Variants in ACVRL1 observed in about 807,000 individuals in gnomAD.
ACVRL1 encodes activin A receptor like type 1, also known as activin receptor type-1-like.
Under a neutral mutation model 51.9 loss-of-function variants are expected in ACVRL1, and 20 were observed. The ratio of observed to expected loss-of-function variants is 0.39; its 90% CI spans 0.27 to 0.56. The LOEUF (loss-of-function observed/expected upper bound fraction) is 0.56. Among genes scored for constraint, ACVRL1 ranks in the 20% least tolerant of loss-of-function variants. The pLI is 0.67. For synonymous variants in ACVRL1, 288 were observed against 280.9 expected (o/e 1.03, Z -0.25); for missense variants, 451 against 670.3 (o/e 0.67, Z 3.61).
chr12:51,913,462 T>TG, intron 3 of ACVRL1, 97 bp from the exon 4 acceptor site: 1 of 828,012 alleles, frequency 1.2e-6, no homozygotes, highest in Non-Finnish European at 1.8e-6. Context: ...GGGGAGCGGG[T>TG]GGGCAGGACT....
upstream of ACVRL1, chr12:51,907,305 G>C (rs1260923744): frequency 3.9e-5 from 6 of 152,174 alleles, no homozygotes; most frequent in East Asian, 1.9e-4. The surrounding 1 kb of genome is among the most constrained non-coding windows in gnomAD (Gnocchi z 4.5). Context: ...CGGGAGCTGC[G>C]GGCGGCTGGG....
Position 51,915,710 on chromosome 12 carries a change from T to C in ACVRL1, c.1048+210T>C, listed in dbSNP as rs1485623652. 3.0e-5 allele frequency: 23 copies of C among 774,276 alleles called. No homozygotes were observed. In the East Asian group the frequency reaches 4.9e-4, roughly 17 times the overall value. 48.0% of individuals were successfully genotyped at this position (774,276 alleles called of 1,614,324 possible). On this transcript the variant is annotated intron_variant, in intron 7 of 9. Coordinates refer to ENST00000388922, the MANE Select transcript of ACVRL1 (RefSeq NM_000020.3). ...CACCATACCATCCTGGCTCCAGGAG[T>C]TGGGAGAAAGGAGGCAGGAGCCAGG...
At position 51,913,702 on chromosome 12, in the gene ACVRL1, C is replaced by T; in HGVS notation, c.457C>T (p.Leu153=). 16 of 1,611,830 alleles carry T rather than the reference C, an allele frequency of 9.9e-6. No individual in the cohort carries two copies. The highest frequency in any genetic ancestry group is 1.4e-5 in the Non-Finnish European group (16 of 1,179,998). ...ACGGAGGCAGGAGAAGCAGCGTGGCCTGCACAGCGAGCTGGGAGAGTCCAG... is the reference window on the plus strand; with the variant it reads ...ACGGAGGCAGGAGAAGCAGCGTGGCTTGCACAGCGAGCTGGGAGAGTCCAG... ...VRRRQEKQRG[L]HSELGESSLI... is the part of the protein sequence containing the mutation. Residue 153 remains leucine, a synonymous_variant, in exon 4 of 10, where the codon CTG becomes TTG. Transcript: ENST00000388922.
At chr12:51,914,982 A>C (rs1200601308) in intron 6 of ACVRL1, among the ~76,000 whole-genome samples, 2 of 152,122 alleles carry the variant, frequency 1.3e-5, no homozygotes, top group African/African-American at 4.8e-5. Flanking sequence ...AGGCTCAAGC[A>C]GTGCTCTTGC....
rs1364205780 is a variant in ACVRL1, at chr12:51,922,093, T to C, written c.*1200T>C. 6.6e-6 allele frequency: 1 copy of C among 152,204 alleles called. No homozygotes were observed. Among genetic ancestry groups the C allele is most frequent in the Non-Finnish European group, 1.5e-5 (1 of 68,042 alleles). 9.4% of individuals were successfully genotyped at this position (152,204 alleles called of 1,614,324 possible). A position where few individuals can be genotyped will look rare whatever the true frequency, so the allele number is the denominator to read the frequency against. ...GGTCCTGATGTCCTTTGAGGCTTCTTTAGCTCTAGTTCTCTGACACTTCAG... is the reference window on the plus strand; with the variant it reads ...GGTCCTGATGTCCTTTGAGGCTTCTCTAGCTCTAGTTCTCTGACACTTCAG... On this transcript the variant is annotated 3_prime_UTR_variant, in exon 10 of 10. Transcript: ENST00000388922.
rs570480929 is a variant in ACVRL1 at position 51,917,367 on chromosome 12, G to A, written c.1246+1134G>A. 4.6e-5 allele frequency among the ~76,000 whole-genome samples: 7 copies of A among 152,328 alleles called. No individual in the cohort carries two copies. Among genetic ancestry groups the A allele is most frequent in the African/African-American group, 1.4e-4 (6 of 41,580 alleles). ...GGGGACTCTGATTTAGAGGGACTGC[G>A]ACAGGTAGAGAGACCTGCCCTGGGC... On this transcript the variant is annotated intron_variant, in intron 8 of 9. Transcript: ENST00000388922. This position sits in a 1 kb window ranked among gnomAD's most constrained non-coding sequence, Gnocchi z 4.2.
rs764616695 is a variant in ACVRL1, at chr12:51,913,129, T to C, written c.92T>C (p.Leu31Pro). ...GDPVKPSRGP[L>P]VTCTCESPHC... Reference sequence around the variant, plus strand: ...CCTGTGAAGCCGTCTCGGGGCCCGCTGGTGACCTGCACGTGTGAGAGCCCA... The same window carrying C: ...CCTGTGAAGCCGTCTCGGGGCCCGCCGGTGACCTGCACGTGTGAGAGCCCA... The change falls in exon 3 of 10, where the codon CTG becomes CCG. Residue 31 changes from leucine (L) to proline (P), a missense_variant. Physicochemically the swap from Leu to Pro is moderately conservative, Grantham distance 98 (BLOSUM62 -3). Coordinates refer to ENST00000388922, the MANE Select transcript of ACVRL1 (RefSeq NM_000020.3). The C allele has an allele frequency of 6.2e-7, 1 of 1,606,452 alleles. No individual in the cohort carries two copies. Among genetic ancestry groups the C allele is most frequent in the South Asian group, 1.1e-5 (1 of 90,092 alleles).
At chr12:51,914,841 T>C (rs935079417) in intron 6 of ACVRL1, among the ~76,000 whole-genome samples, 1 of 152,174 alleles carries the variant, frequency 6.6e-6, no homozygotes, top group African/African-American at 2.4e-5. Flanking sequence ...TCTCTTGAGC[T>C]CAAGTGATCC....
rs1312572306 is a variant in ACVRL1, at chr12:51,915,811, C to T, written c.1049-225C>T. 5 of 635,608 alleles carry T rather than the reference C, an allele frequency of 7.9e-6. No individual in the cohort carries two copies. The African/African-American group carries it at 9.2e-5, about 12-fold the overall frequency. The allele number at this position is 635,608 out of a possible 1,614,324, so 39.4% of individuals were successfully genotyped here. On this transcript the variant is annotated intron_variant, in intron 7 of 9. Coordinates refer to ENST00000388922, the MANE Select transcript of ACVRL1 (RefSeq NM_000020.3). ...GTGGGCTCATAATGCCTGCCTTGCC[C>T]ACTCACATCTCGCTGGGTTCTTGGG...
In ACVRL1 at chr12:51,913,081, T is replaced by A. The variant is rs549093185; in HGVS notation, c.62-18T>A. 6.9e-5 allele frequency: 111 copies of A among 1,598,034 alleles called. 1 individual carries two copies. The South Asian group carries it at 1.2e-3, about 17-fold the overall frequency. On this transcript the variant is annotated intron_variant, in intron 2 of 9. Coordinates refer to ENST00000388922, the MANE Select transcript of ACVRL1 (RefSeq NM_000020.3). ...GGAGCTGGGACCACAGTGGCTGAGC[T>A]TCCGGTGTGTCTTCCAGGAGACCCT...
At chr12:51,913,462 T>A in intron 3 of ACVRL1, 97 bp from the exon 4 acceptor site, 3 of 828,014 alleles carry the variant, frequency 3.6e-6, no homozygotes, top group Non-Finnish European at 5.4e-6. Context: ...GGGGAGCGGG[T>A]GGGCAGGACT....
At chr12:51,912,676 G>C (rs996446253) in intron 2 of ACVRL1, 141 bp downstream of exon 2, 1 of 760,694 alleles carries the variant, frequency 1.3e-6, no homozygotes, top group Non-Finnish European at 2.3e-6. Context: ...GGACAGTGAG[G>C]CTCCATTAGA....
rs2139094016 is a variant in ACVRL1, at chr12:51,922,431, C to T, written c.*1538C>T. ...AGGCTCAAAAGAAATTTGGCTCCAT[C>T]CAAGAAGGCTCCAGCTCCCCTACTG... On this transcript the variant is annotated 3_prime_UTR_variant, in exon 10 of 10. Transcript: ENST00000388922. 6.6e-6 allele frequency: 1 copy of T among 152,634 alleles called. No homozygotes were observed. Among genetic ancestry groups the T allele is most frequent in the Non-Finnish European group, 1.5e-5 (1 of 68,268 alleles). 9.5% of individuals were successfully genotyped at this position (152,634 alleles called of 1,614,324 possible). A position where few individuals can be genotyped will look rare whatever the true frequency, so the allele number is the denominator to read the frequency against.
chr12:51,915,690 T>C lies in ACVRL1; in HGVS notation c.1048+190T>C, dbSNP rs558160743. ...TTTCAAACCCAGATTCCTTCCACCA[T>C]ACCATCCTGGCTCCAGGAGTTGGGA... On this transcript the variant is annotated intron_variant, in intron 7 of 9. Coordinates refer to ENST00000388922, the MANE Select transcript of ACVRL1 (RefSeq NM_000020.3). 11 of 817,240 alleles carry C rather than the reference T, an allele frequency of 1.3e-5. No homozygotes were observed. In the African/African-American group the frequency reaches 1.9e-4, roughly 14 times the overall value. 50.6% of individuals were successfully genotyped at this position (817,240 alleles called of 1,614,324 possible). A position where few individuals can be genotyped will look rare whatever the true frequency, so the allele number is the denominator to read the frequency against.
intron 4 of ACVRL1, 44 bp from the exon 5 acceptor site, chr12:51,913,930 T>C (rs557302010): frequency 6.2e-7 from 1 of 1,601,872 alleles, no homozygotes; most frequent in African/African-American, 1.3e-5. Flanking sequence ...AAGGGGGCTG[T>C]GGCTGGTTGT....
Position 51,913,883 on chromosome 12 carries a change from T to C in ACVRL1, c.526-91T>C. On this transcript the variant is annotated intron_variant, in intron 4 of 9. Coordinates refer to ENST00000388922, the MANE Select transcript of ACVRL1 (RefSeq NM_000020.3). ...GTGGGGAGCTGGGCGAGTGAGGAGC[T>C]TGCAGTGACCCAGCAGGTCCCAGGT... is the stretch of plus-strand genomic sequence containing the variant. The C allele has an allele frequency of 3.2e-6, 5 of 1,569,264 alleles. No homozygotes were observed. In the South Asian group the frequency reaches 5.7e-5, roughly 18 times the overall value.
intron 6 of ACVRL1, 41 bp downstream of exon 6, chr12:51,914,626 C>G: frequency 6.3e-7 from 1 of 1,585,896 alleles, no homozygotes; most frequent in African/African-American, 1.3e-5. Flanking sequence ...GGGGCTTTGC[C>G]CCCCTGCACT....
At chr12:51,908,959 G>T (rs908968816) in intron 1 of ACVRL1, among the ~76,000 whole-genome samples, 1 of 152,066 alleles carries the variant, frequency 6.6e-6, no homozygotes, top group Non-Finnish European at 1.5e-5. Context: ...GCATCACCCC[G>T]CTGTGAAGGG....
At chr12:51,915,112 C>A in intron 6 of ACVRL1, 113 bp from the exon 7 acceptor site, 1 of 1,210,882 alleles carries the variant, frequency 8.3e-7, no homozygotes, top group Non-Finnish European at 1.2e-6. Context: ...CCAGACCTAG[C>A]TTAGCAGTGA....
Sources: allele counts gnomAD v4.1 joint callset (sites outside exome capture counted in the v4.1 genomes callset), GRCh38; gene constraint gnomAD v4.1.1; non-coding constraint Gnocchi (gnomAD v3.1); transcripts MANE v1.5; gene names NCBI Gene and HGNC (gene_info 2026-07-23, HGNC 2026-07-21).